The following KBTBD8 variants were observed in gnomAD, a reference collection of about 807,000 sequenced individuals.
KBTBD8 encodes kelch repeat and BTB domain containing 8.
In KBTBD8, 31 loss-of-function variants were observed where a neutral mutation model predicts 53.5. The observed-to-expected ratio is 0.58, with a 90% confidence interval of 0.44 to 0.78. The LOEUF (loss-of-function observed/expected upper bound fraction) is 0.78. Among genes scored for constraint, KBTBD8 ranks in the 30% least tolerant of loss-of-function variants. The pLI, the probability that KBTBD8 is intolerant of heterozygous loss-of-function variation, is 0.00. For missense variants in KBTBD8, 642 were observed against 735.8 expected (o/e 0.87, Z 1.48); for synonymous variants, 250 against 247.3 (o/e 1.01, Z -0.10).
At chr3:67,002,879 T>G (rs142730541) in intron 2 of KBTBD8, among the ~76,000 whole-genome samples, 164 of 152,298 alleles carry the variant, frequency 1.1e-3, no homozygotes, top group African/African-American at 3.6e-3. Context: ...GAACTCTGGA[T>G]AGGGGCTTCT....
chr3:67,010,394 A>C lies in KBTBD8; in HGVS notation c.*2009A>C, dbSNP rs1702107088. The C allele has an allele frequency of 6.6e-6, 1 of 152,598 alleles. No homozygotes were observed. Among genetic ancestry groups the C allele is most frequent in the African/African-American group, 2.4e-5 (1 of 41,442 alleles). The allele number at this position is 152,598 out of a possible 1,614,324, so 9.5% of individuals were successfully genotyped here. A position where few individuals can be genotyped will look rare whatever the true frequency, so the allele number is the denominator to read the frequency against. On this transcript the variant is annotated 3_prime_UTR_variant, in exon 4 of 4. Transcript: ENST00000417314. ...ATTACTTGAAAACATGACATAGAAC[A>C]TTGAGTTAGCAATTTACATGGGCTG...
intron 1 of KBTBD8, 105 bp downstream of exon 1, chr3:66,998,476 G>A (rs548659139): frequency 3.2e-6 from 3 of 923,542 alleles, no homozygotes; most frequent in East Asian, 3.3e-5. Context: ...CGGAGCTAGA[G>A]GGAAGGATGA....
chr3:67,003,702 G>A lies in KBTBD8; in HGVS notation c.735G>A (p.Met245Ile), dbSNP rs758193713. 2 of 1,614,132 alleles carry A rather than the reference G, an allele frequency of 1.2e-6. No individual in the cohort carries two copies. The highest frequency in any genetic ancestry group is 1.3e-5 in the African/African-American group (1 of 75,036). ...CTAAATGCATACGTTTTCCTCTGAT[G>A]GAAGATACCTTTATAGAGAAAATTC... ...IFAKCIRFPL[M>I]EDTFIEKIPP... The change falls in exon 3 of 4, where the codon ATG (methionine) becomes ATA (isoleucine). Residue 245 changes from methionine to isoleucine, a missense_variant. By Grantham distance (10) the Met-to-Ile change is conservative. Coordinates refer to ENST00000417314, the MANE Select transcript of KBTBD8 (RefSeq NM_032505.3).
In KBTBD8 at chr3:66,999,161, A is replaced by G; in HGVS notation, c.197A>G (p.Asn66Ser). 1.2e-6 allele frequency: 2 copies of G among 1,614,178 alleles called. No individual in the cohort carries two copies. Among genetic ancestry groups the G allele is most frequent in the East Asian group, 2.2e-5 (1 of 44,882 alleles). ...DHGKTFSCHRNVLAAISPYFR... is the reference protein window; with the variant it reads ...DHGKTFSCHRSVLAAISPYFR... Reference sequence around the variant, plus strand: ...GGGAAAACATTTTCCTGTCATAGAAACGTTCTTGCTGCAATCAGCCCTTAC... The same window carrying G: ...GGGAAAACATTTTCCTGTCATAGAAGCGTTCTTGCTGCAATCAGCCCTTAC... The change falls in exon 2 of 4, where the codon AAC (asparagine) becomes AGC (serine). Residue 66 changes from asparagine (N) to serine (S), a missense_variant. Physicochemically the swap from Asn to Ser is conservative, Grantham distance 46. Coordinates refer to ENST00000417314, the MANE Select transcript of KBTBD8 (RefSeq NM_032505.3).
At chr3:66,999,219 G>C in intron 2 of KBTBD8, 28 bp downstream of exon 2, 1 of 1,555,464 alleles carries the variant, frequency 6.4e-7, no homozygotes, top group Non-Finnish European at 8.9e-7. Flanking sequence ...ACTTCTGTTG[G>C]TATCTGCACC....
Position 67,008,166 on chromosome 3 carries a change from T to C in KBTBD8, c.1587T>C (p.Leu529=). The change falls in exon 4 of 4, where the codon CTT becomes CTC. Residue 529 remains leucine, a synonymous_variant. Coordinates refer to ENST00000417314, the MANE Select transcript of KBTBD8 (RefSeq NM_032505.3). The part of the protein sequence containing the change: ...QSINPYLKLV[L]FQNKLHLFVR... Reference sequence around the variant, plus strand: ...TAAATCCATACCTTAAACTGGTACTTTTCCAGAACAAACTCCATTTATTTG... The same window carrying C: ...TAAATCCATACCTTAAACTGGTACTCTTCCAGAACAAACTCCATTTATTTG... 6.2e-7 allele frequency: 1 copy of C among 1,614,162 alleles called. No individual in the cohort carries two copies. Among genetic ancestry groups the C allele is most frequent in the Non-Finnish European group, 8.5e-7 (1 of 1,180,022 alleles).
chr3:67,006,552 G>C (rs1490688865), intron 3 of KBTBD8, among the ~76,000 whole-genome samples: 1 of 152,074 alleles, frequency 6.6e-6, no homozygotes, highest in East Asian at 1.9e-4. Flanking sequence ...CTTATTTATC[G>C]AGAATCCTGT....
intron 3 of KBTBD8, 22 bp from the exon 4 acceptor site, chr3:67,007,897 CTTG>C: frequency 7.7e-7 from 1 of 1,299,424 alleles, no homozygotes; most frequent in Non-Finnish European, 1.1e-6. Context: ...TTTACATATT[CTTG>C]TTTTCTTTTT....
intron 3 of KBTBD8, among the ~76,000 whole-genome samples, chr3:67,005,613 T>C (rs1702058081): frequency 6.6e-6 from 1 of 152,024 alleles, no homozygotes; most frequent in Non-Finnish European, 1.5e-5. Flanking sequence ...CCTTATCCCA[T>C]TGTTTTCTTT....
Position 67,007,972 on chromosome 3 carries a change from AC to A in KBTBD8, c.1398del (p.Met467Ter). The A allele has an allele frequency of 6.2e-7, 1 of 1,609,138 alleles. No individual in the cohort carries two copies. Among genetic ancestry groups the A allele is most frequent in the Non-Finnish European group, 8.5e-7 (1 of 1,178,368 alleles). ...EPQKDYWGFL[T>X]PMTVPRIQGL... is the part of the protein sequence containing the mutation. ...TCAAAAAGACTACTGGGGTTTCTTA[AC>A]CCCCATGACTGTGCCTAGAATCCAG... On this transcript the variant is annotated frameshift_variant, in exon 4 of 4. Transcript: ENST00000417314. LOFTEE classifies it high-confidence loss of function.
At chr3:67,007,847 G>T in intron 3 of KBTBD8, 75 bp from the exon 4 acceptor site, 2 of 755,336 alleles carry the variant, frequency 2.6e-6, no homozygotes, top group Non-Finnish European at 4.2e-6. Context: ...ATCTTTAGAG[G>T]TTGTAGTTAC....
Position 67,008,137 on chromosome 3 carries a change from T to A in KBTBD8, c.1558T>A (p.Ser520Thr). Residue 520 changes from serine to threonine, a missense_variant, in exon 4 of 4, where the codon TCC (serine) becomes ACC (threonine). Ser to Thr is a moderately conservative substitution (Grantham distance 58, BLOSUM62 1). Coordinates refer to ENST00000417314, the MANE Select transcript of KBTBD8 (RefSeq NM_032505.3). The part of the protein sequence containing the change: ...TRKKDFPCDQ[S>T]INPYLKLVLF... Reference sequence around the variant, plus strand: ...TAAGAAAGACTTTCCATGTGATCAGTCCATAAATCCATACCTTAAACTGGT... The same window carrying A: ...TAAGAAAGACTTTCCATGTGATCAGACCATAAATCCATACCTTAAACTGGT... The A allele has an allele frequency of 1.2e-6, 2 of 1,614,098 alleles. No individual in the cohort carries two copies.
At position 67,004,172 on chromosome 3, in the gene KBTBD8, G is replaced by T. The variant is rs1444676352; in HGVS notation, c.1205G>T (p.Gly402Val). ...GCAATCGGAGGTCGTGTTTATGAAG[G>T]TGATGGGAGAAACTCACTAAAATCT... Reference protein sequence around the residue: ...MYAIGGRVYEGDGRNSLKSVE... With the variant: ...MYAIGGRVYEVDGRNSLKSVE... Residue 402 changes from glycine to valine, a missense_variant, in exon 3 of 4, where the codon GGT (glycine) becomes GTT (valine). Physicochemically the swap from Gly to Val is moderately radical, Grantham distance 109 (BLOSUM62 -3). Transcript: ENST00000417314. The T allele has an allele frequency of 3.1e-6, 5 of 1,614,216 alleles. No homozygotes were observed. The highest frequency in any genetic ancestry group is 1.3e-5 in the African/African-American group (1 of 75,070).
chr3:66,998,933 G>A (rs760182871), intron 1 of KBTBD8, 48 bp from the exon 2 acceptor site: 19 of 1,434,822 alleles, frequency 1.3e-5, no homozygotes, highest in South Asian at 6.1e-5. Flanking sequence ...CCGCGATGCC[G>A]TAACTGGCTC....
In KBTBD8 at chr3:67,004,011, T is replaced by C. The variant is rs1205964639; in HGVS notation, c.1044T>C (p.Ser348=). ...CAGGAGGGTACAGGCCAAGCAGCAGTGAGGTCTCCATCGACCATAAGGCAG... is the reference window on the plus strand; with the variant it reads ...CAGGAGGGTACAGGCCAAGCAGCAGCGAGGTCTCCATCGACCATAAGGCAG... ...YIAGGYRPSS[S]EVSIDHKAEN... The change falls in exon 3 of 4, where the codon AGT becomes AGC. Residue 348 remains serine, a synonymous_variant. Coordinates refer to ENST00000417314, the MANE Select transcript of KBTBD8 (RefSeq NM_032505.3). 1 of 1,614,162 alleles carries C rather than the reference T, an allele frequency of 6.2e-7. No individual in the cohort carries two copies. Among genetic ancestry groups the C allele is most frequent in the South Asian group, 1.1e-5 (1 of 91,082 alleles).
Position 66,999,256 on chromosome 3 carries a change from C to T in KBTBD8, c.227+65C>T. ...AGCTCCCTTTCCCCCTCAGTATTGT[C>T]CACTTGATGTTTATATTGAGATGCG... On this transcript the variant is annotated intron_variant, in intron 2 of 3. Transcript: ENST00000417314. 3 of 1,232,830 alleles carry T rather than the reference C, an allele frequency of 2.4e-6. No homozygotes were observed. In the Admixed American group the frequency reaches 5.1e-5, roughly 21 times the overall value. The allele number at this position is 1,232,830 out of a possible 1,614,324, so 76.4% of individuals were successfully genotyped here. A position where few individuals can be genotyped will look rare whatever the true frequency, so the allele number is the denominator to read the frequency against.
chr3:67,007,786 T>C lies in KBTBD8; in HGVS notation c.1343-136T>C. On this transcript the variant is annotated intron_variant, in intron 3 of 3. Transcript: ENST00000417314. ...CCCATATGAATGTATCTCTGGAGAT[T>C]ATAAAAGAAATGTTTTAGAAAGTGA... 1.6e-5 allele frequency: 9 copies of C among 568,712 alleles called. 1 individual carries two copies. In the South Asian group the frequency reaches 2.4e-4, roughly 15 times the overall value. 35.2% of individuals were successfully genotyped at this position (568,712 alleles called of 1,614,324 possible). A position where few individuals can be genotyped will look rare whatever the true frequency, so the allele number is the denominator to read the frequency against.
At chr3:67,007,114 C>A (rs1348958725) in intron 3 of KBTBD8, among the ~76,000 whole-genome samples, 1 of 152,032 alleles carries the variant, frequency 6.6e-6, no homozygotes, top group African/African-American at 2.4e-5. Context: ...CATCAGTGAC[C>A]CATAAGCATA....
chr3:67,004,568 T>A (rs1054182350), intron 3 of KBTBD8, among the ~76,000 whole-genome samples: 1 of 152,244 alleles, frequency 6.6e-6, no homozygotes, highest in Non-Finnish European at 1.5e-5. Context: ...GTAGAATAAC[T>A]ATTTTTGAAA....
Sources: gnomAD v4.1 joint callset for allele counts (sites outside exome capture counted in the v4.1 genomes callset) on GRCh38, gnomAD v4.1.1 for gene constraint, MANE v1.5 for transcripts, NCBI Gene and HGNC (gene_info 2026-07-23, HGNC 2026-07-21) for gene names.